ANKRD17: variants seen among roughly 807,000 people sequenced by gnomAD.
The protein encoded by ANKRD17 is ankyrin repeat domain 17, also known as ankyrin repeat domain-containing protein 17.
Under a neutral mutation model 229.7 loss-of-function variants are expected in ANKRD17, and 19 were observed. That is an observed-to-expected ratio of 0.08 (90% confidence interval 0.06 to 0.12). ANKRD17 has a LOEUF of 0.12. Among genes scored for constraint, ANKRD17 ranks in the 10% least tolerant of loss-of-function variants. The pLI, the probability that ANKRD17 is intolerant of heterozygous loss-of-function variation, is 1.00. For missense variants in ANKRD17, 2,176 were observed against 3,176.8 expected (o/e 0.68, Z 7.57); for synonymous variants, 1,112 against 1,146.1 (o/e 0.97, Z 0.60).
At chr4:73,156,773 C>T (rs541801869) in intron 3 of ANKRD17, among the ~76,000 whole-genome samples, 1 of 152,256 alleles carries the variant, frequency 6.6e-6, no homozygotes, top group East Asian at 1.9e-4. Flanking sequence ...GCTATGCTTC[C>T]TGTACAGCCT....
At chr4:73,170,298 G>C (rs1156411464) in intron 2 of ANKRD17, among the ~76,000 whole-genome samples, 1 of 151,946 alleles carries the variant, frequency 6.6e-6, no homozygotes, top group African/African-American at 2.4e-5. Flanking sequence ...CTAGCTCCTG[G>C]ACAATCTTTC....
At chr4:73,225,861 CAAAAAAA>C (rs375866026) in intron 1 of ANKRD17, among the ~76,000 whole-genome samples, 3 of 66,702 alleles carry the variant, frequency 4.5e-5, no homozygotes, top group African/African-American at 5.6e-5. Flanking sequence ...GACTCTGTCT[CAAAAAAA>C]AAAAAAAAAA....
intron 1 of ANKRD17, among the ~76,000 whole-genome samples, chr4:73,234,181 CAG>C (rs1291559238): frequency 2.0e-5 from 3 of 152,122 alleles, no homozygotes; most frequent in Non-Finnish European, 4.4e-5. Context: ...TTTACATATG[CAG>C]ACAGTTCCTC....
chr4:73,258,509 T>C lies in ANKRD17; in HGVS notation c.160A>G (p.Met54Val). 5 of 1,552,814 alleles carry C rather than the reference T, an allele frequency of 3.2e-6. No homozygotes were observed. The highest frequency in any genetic ancestry group is 4.3e-6 in the Non-Finnish European group (5 of 1,151,724). Residue 54 changes from methionine (M) to valine (V), a missense_variant, in exon 1 of 34, where the codon ATG becomes GTG. This residue lies in a region of ANKRD17 where 196 missense variants were observed against 190.0 expected (regional missense o/e 1.03). Transcript: ENST00000358602. ...RARSASSPRG[M>V]VRVCDLLLKK... ...AGGAGCAGGTCGCAGACTCGCACCA[T>C]CCCACGAGGAGACGAGGCCGAGCGA...
Position 73,146,778 on chromosome 4 carries a change from C to A in ANKRD17, c.1855G>T (p.Ala619Ser). 6.2e-7 allele frequency: 1 copy of A among 1,607,268 alleles called. No homozygotes were observed. Among genetic ancestry groups the A allele is most frequent in the South Asian group, 1.1e-5 (1 of 89,922 alleles). ...ACATAGCTTACCAGATCTGCGCCTG[C>A]CTGAAGTAAGACATCTGCTACATCA... ...HTDVADVLLQ[A>S]GADLEHESEG... Residue 619 changes from alanine (A) to serine (S), a missense_variant, in exon 10 of 34, where the codon GCA (alanine) becomes TCA (serine). By Grantham distance (99) the Ala-to-Ser change is moderately conservative. Coordinates refer to ENST00000358602, the MANE Select transcript of ANKRD17 (RefSeq NM_032217.5).
Position 73,074,471 on chromosome 4 carries a change from G to GCT in ANKRD17, c.*1758_*1759dup, listed in dbSNP as rs771622097. 2 of 151,694 alleles carry GCT rather than the reference G, an allele frequency of 1.3e-5. No individual in the cohort carries two copies. Among genetic ancestry groups the GCT allele is most frequent in the African/African-American group, 2.4e-5 (1 of 41,344 alleles). The allele number at this position is 151,694 out of a possible 1,614,324, so 9.4% of individuals were successfully genotyped here. On this transcript the variant is annotated 3_prime_UTR_variant, in exon 34 of 34. Transcript: ENST00000358602. Reference sequence around the variant, plus strand: ...ATATTTATTTGTAGGCTGTCTTTTAGCTCTCCCTTTAAATTTGGGCATATT... The same window carrying GCT: ...ATATTTATTTGTAGGCTGTCTTTTAGCTCTCTCCCTTTAAATTTGGGCATATT...
At chr4:73,237,807 T>C (rs943892376) in intron 1 of ANKRD17, among the ~76,000 whole-genome samples, 18 of 152,192 alleles carry the variant, frequency 1.2e-4, no homozygotes, top group Non-Finnish European at 1.5e-5. Flanking sequence ...TCCCTCTTTA[T>C]TAACAGTATG....
At chr4:73,134,814 A>C (rs967506305) in intron 16 of ANKRD17, among the ~76,000 whole-genome samples, 1 of 152,124 alleles carries the variant, frequency 6.6e-6, no homozygotes, top group Non-Finnish European at 1.5e-5. Flanking sequence ...CTATTAATTT[A>C]TTATTAGAAG....
intron 2 of ANKRD17, among the ~76,000 whole-genome samples, chr4:73,164,409 A>AGCAGTAATCAAAAATTAATTT (rs1385964379): frequency 9.2e-5 from 14 of 152,282 alleles, no homozygotes; most frequent in African/African-American, 3.4e-4. Flanking sequence ...CAAATTAATT[A>AGCAGTAATCAAAAATTAATTT]GCAGTAATCA....
At chr4:73,102,592 C>T (rs754643330) in intron 24 of ANKRD17, 45 bp from the exon 25 acceptor site, 124 of 1,570,548 alleles carry the variant, frequency 7.9e-5, no homozygotes, top group Non-Finnish European at 9.5e-5. Context: ...GAAATTTACC[C>T]TGGAGAAGAA....
rs893875545 is a variant in ANKRD17, at chr4:73,115,889, C to T, written c.4216G>A (p.Val1406Ile). Residue 1406 changes from valine to isoleucine, a missense_variant, in exon 23 of 34, where the codon GTC becomes ATC. Coordinates refer to ENST00000358602, the MANE Select transcript of ANKRD17 (RefSeq NM_032217.5). ...KGHVKVVRYLVKEVNQFPSDS... is the reference protein window; with the variant it reads ...KGHVKVVRYLIKEVNQFPSDS... ...GATGGAAACTGATTGACTTCTTTGACTAAGTAGCGCACCACCTTCACATGA... is the reference window on the plus strand; with the variant it reads ...GATGGAAACTGATTGACTTCTTTGATTAAGTAGCGCACCACCTTCACATGA... The T allele has an allele frequency of 3.7e-6, 6 of 1,613,504 alleles. No individual in the cohort carries two copies. Among genetic ancestry groups the T allele is most frequent in the Admixed American group, 3.3e-5 (2 of 59,992 alleles).
At chr4:73,192,469 A>C (rs1038025383) in intron 1 of ANKRD17, among the ~76,000 whole-genome samples, 1 of 152,108 alleles carries the variant, frequency 6.6e-6, no homozygotes, top group Admixed American at 6.5e-5. Flanking sequence ...GGGTAAACCC[A>C]AGTTATTAAC....
chr4:73,255,973 G>A (rs181112138), intron 1 of ANKRD17, among the ~76,000 whole-genome samples: 2,339 of 152,242 alleles, frequency 0.015, 23 homozygotes, highest in Middle Eastern at 0.024. Context: ...TGATCCGCCC[G>A]CCTCGGTCTC....
At chr4:73,079,604 TTA>T (rs1721346689) in intron 30 of ANKRD17, among the ~76,000 whole-genome samples, 1 of 152,180 alleles carries the variant, frequency 6.6e-6, no homozygotes, top group East Asian at 1.9e-4. Flanking sequence ...TTATAGAACA[TTA>T]TATATACTGA....
At position 73,177,381 on chromosome 4, in the gene ANKRD17, T is replaced by C; in HGVS notation, c.546A>G (p.Ala182=). The C allele has an allele frequency of 6.2e-7, 1 of 1,607,402 alleles. No individual in the cohort carries two copies. The highest frequency in any genetic ancestry group is 8.5e-7 in the Non-Finnish European group (1 of 1,175,706). The part of the protein sequence containing the change: ...QARLEALLEA[A]GIGKLSTADG... ...CTTATTACTATGTAGAGTACATACC[T>C]GCAGCTTCTAGTAAAGCTTCCAGTC... Residue 182 remains alanine (A), a splice_region_variant and synonymous_variant, in exon 2 of 34, where the codon GCA becomes GCG. Coordinates refer to ENST00000358602, the MANE Select transcript of ANKRD17 (RefSeq NM_032217.5).
At chr4:73,118,287 C>T (rs1359446769) in intron 22 of ANKRD17, among the ~76,000 whole-genome samples, 1 of 152,040 alleles carries the variant, frequency 6.6e-6, no homozygotes, top group African/African-American at 2.4e-5. Flanking sequence ...GCACAACCCC[C>T]GCCCCCAGCA....
intron 29 of ANKRD17, among the ~76,000 whole-genome samples, chr4:73,086,919 A>AAAAAAAATATAT (rs1553911000): frequency 3.2e-4 from 4 of 12,460 alleles, no homozygotes; most frequent in Non-Finnish European, 7.0e-4. Context: ...AAAAAAAAAA[A>AAAAAAAATATAT]ATATATATAT....
At chr4:73,085,985 T>A (rs1952595690) in intron 29 of ANKRD17, among the ~76,000 whole-genome samples, 1 of 152,060 alleles carries the variant, frequency 6.6e-6, no homozygotes. Flanking sequence ...AGTGAGACCC[T>A]GTCTCACACA....
intron 1 of ANKRD17, among the ~76,000 whole-genome samples, chr4:73,201,560 T>G (rs534081208): frequency 6.6e-6 from 1 of 152,322 alleles, no homozygotes; most frequent in East Asian, 1.9e-4. Flanking sequence ...TATCTGTATT[T>G]GCACAGAGAA....
Sources: gnomAD v4.1 joint callset for allele counts (sites outside exome capture counted in the v4.1 genomes callset) on GRCh38, gnomAD v4.1.1 for gene constraint, gnomAD v4.1.1 regional missense constraint, MANE v1.5 for transcripts, NCBI Gene and HGNC (gene_info 2026-07-23, HGNC 2026-07-21) for gene names.